The following KCTD16 variants were observed in gnomAD, a reference collection of about 807,000 sequenced individuals.
The protein encoded by KCTD16 is BTB/POZ domain-containing protein KCTD16.
A neutral mutation model predicts 33.2 loss-of-function variants in KCTD16; 13 were observed. That is an observed-to-expected ratio of 0.39 (90% CI 0.25 to 0.62). The LOEUF (loss-of-function observed/expected upper bound fraction) is 0.62, where lower values mean the gene tolerates loss of function less well. KCTD16 is among the 20% of genes least tolerant of loss of function. The probability of loss-of-function intolerance (pLI) is 0.50; values close to 1 mark genes in which losing one functional copy is unlikely to be tolerated. For missense variants in KCTD16, 441 were observed against 525.1 expected, an observed-to-expected ratio of 0.84 and a Z score of 1.57; for synonymous variants, 197 against 195.3, an observed-to-expected ratio of 1.01 and a Z score of -0.07.
At chr5:144,260,215 T>C (rs1754968369) in intron 3 of KCTD16, among the ~76,000 whole-genome samples, 1 of 152,180 alleles carries the variant, frequency 6.6e-6, no homozygotes, top group Non-Finnish European at 1.5e-5. Flanking sequence ...TGTGGCTCCA[T>C]ATGCAGTATT....
chr5:144,172,884 T>C lies in KCTD16; in HGVS notation c.-492-1423T>C, dbSNP rs1305528643. On this transcript the variant is annotated intron_variant, in intron 1 of 3. Transcript: ENST00000512467. ...GTTAAAAAAATTCTAGTCTCTTTTG[T>C]TTTTTTCTGATGTTTCTATTTCTTC... is the stretch of plus-strand genomic sequence containing the variant. Among the ~76,000 whole-genome samples, 3 of 152,210 alleles carry C rather than the reference T, an allele frequency of 2.0e-5. No homozygotes were observed. In the South Asian group the frequency reaches 6.2e-4, roughly 32 times the overall value.
At position 144,482,740 on chromosome 5, in the gene KCTD16, T is replaced by C. The variant is rs1231801326; in HGVS notation, c.*8626T>C. 6.6e-6 allele frequency: 1 copy of C among 151,812 alleles called. No homozygotes were observed. The highest frequency in any genetic ancestry group is 6.6e-5 in the Admixed American group (1 of 15,202). 9.4% of individuals were successfully genotyped at this position (151,812 alleles called of 1,614,324 possible). A position where few individuals can be genotyped will look rare whatever the true frequency, so the allele number is the denominator to read the frequency against. The stretch of plus-strand genomic sequence containing the variant: ...TATTTATGTGTGTTTTGTGTTTATG[T>C]ATAAAATTATGTATATATATGTACA... On this transcript the variant is annotated 3_prime_UTR_variant, in exon 4 of 4. Coordinates refer to ENST00000512467, the MANE Select transcript of KCTD16 (RefSeq NM_020768.4).
intron 3 of KCTD16, among the ~76,000 whole-genome samples, chr5:144,299,892 A>C (rs569419931): frequency 7.0e-6 from 1 of 142,604 alleles, no homozygotes; most frequent in African/African-American, 2.6e-5. Context: ...ATTCACCAGA[A>C]TCATTTAAAA....
intron 2 of KCTD16, among the ~76,000 whole-genome samples, chr5:144,205,078 G>A (rs192828958): frequency 6.6e-6 from 1 of 152,272 alleles, no homozygotes; most frequent in East Asian, 1.9e-4. Context: ...TGGGTAGGGG[G>A]CAGGGATTTG....
intron 3 of KCTD16, among the ~76,000 whole-genome samples, chr5:144,299,779 A>G (rs2126869514): frequency 6.6e-6 from 1 of 152,042 alleles, no homozygotes; most frequent in South Asian, 2.1e-4. Context: ...TAACATCTTT[A>G]TGGAGGGTAA....
chr5:144,359,819 T>G (rs1477004298), intron 3 of KCTD16, among the ~76,000 whole-genome samples: 3 of 151,780 alleles, frequency 2.0e-5, no homozygotes, highest in African/African-American at 7.3e-5. Context: ...TATCTAGGGG[T>G]CTTATTCTAG....
chr5:144,394,451 T>A (rs1752519866), intron 3 of KCTD16, among the ~76,000 whole-genome samples: 1 of 152,228 alleles, frequency 6.6e-6, no homozygotes, highest in South Asian at 2.1e-4. Flanking sequence ...ATCATTGTGT[T>A]GCCATAGTTG....
At chr5:144,439,303 C>A in intron 3 of KCTD16, 1 of 472,972 alleles carries the variant, frequency 2.1e-6, no homozygotes, top group Admixed American at 2.5e-5. Context: ...AAGCTGGTCC[C>A]TAAAACCCAC....
In KCTD16 at chr5:144,479,855, A is replaced by C. The variant is rs978118650; in HGVS notation, c.*5741A>C. ...TAAAGAAAAATGTGCCTGGCCTAGC[A>C]ACTATCAAGGGCTTGTCCTGGAGGA... On this transcript the variant is annotated 3_prime_UTR_variant, in exon 4 of 4. Transcript: ENST00000512467. The C allele has an allele frequency of 6.6e-6, 1 of 151,972 alleles. No individual in the cohort carries two copies. Among genetic ancestry groups the C allele is most frequent in the Non-Finnish European group, 1.5e-5 (1 of 67,946 alleles). The allele number at this position is 151,972 out of a possible 1,614,324, so 9.4% of individuals were successfully genotyped here.
intron 2 of KCTD16, among the ~76,000 whole-genome samples, chr5:144,183,467 A>G (rs1293257196): frequency 6.6e-6 from 1 of 152,148 alleles, no homozygotes; most frequent in East Asian, 1.9e-4. Context: ...TGTTTATTCC[A>G]TGCTCATTTT....
chr5:144,280,990 G>A (rs1391757123), intron 3 of KCTD16, among the ~76,000 whole-genome samples: 1 of 147,786 alleles, frequency 6.8e-6, no homozygotes, highest in Non-Finnish European at 1.5e-5. Context: ...GACAGGCGGA[G>A]GTTGCAGTGA....
chr5:144,407,071 C>T (rs1350600791), intron 3 of KCTD16, among the ~76,000 whole-genome samples: 1 of 151,866 alleles, frequency 6.6e-6, no homozygotes, highest in Admixed American at 6.6e-5. Context: ...GTGGAGGGCT[C>T]TTGAGTAGGC....
chr5:144,332,132 TG>T (rs1752377094), intron 3 of KCTD16, among the ~76,000 whole-genome samples: 1 of 152,060 alleles, frequency 6.6e-6, no homozygotes, highest in Non-Finnish European at 1.5e-5. Context: ...AGGAGTAAAA[TG>T]ACATAAAAAT....
chr5:144,411,834 T>C (rs1752939265), intron 3 of KCTD16, among the ~76,000 whole-genome samples: 1 of 151,810 alleles, frequency 6.6e-6, no homozygotes, highest in Admixed American at 6.6e-5. Context: ...AGCAACTCAA[T>C]AGCAAAAATA....
At position 144,409,241 on chromosome 5, in the gene KCTD16, C is replaced by T. The variant is rs752345978; in HGVS notation, c.833-64419C>T. On this transcript the variant is annotated intron_variant, in intron 3 of 3. Transcript: ENST00000512467. The stretch of plus-strand genomic sequence containing the variant: ...TCATAAAATGAAAACAATTTGAAGC[C>T]GATTTCTGTGTTTTTACATGTCTTT... Among the ~76,000 whole-genome samples, 7 of 151,978 alleles carry T rather than the reference C, an allele frequency of 4.6e-5. 1 individual carries two copies. The highest frequency in any genetic ancestry group is 2.0e-4 in the Admixed American group (3 of 15,260).
chr5:144,184,089 A>G lies in KCTD16; in HGVS notation c.-327+9617A>G, dbSNP rs114603997. On this transcript the variant is annotated intron_variant, in intron 2 of 3. Coordinates refer to ENST00000512467, the MANE Select transcript of KCTD16 (RefSeq NM_020768.4). ...ACGTACTTTTTAAAATTCAATTTTTATTTATTATTAACTTGGTAAAATACC... is the reference window on the plus strand; with the variant it reads ...ACGTACTTTTTAAAATTCAATTTTTGTTTATTATTAACTTGGTAAAATACC... Among the ~76,000 whole-genome samples the G allele has an allele frequency of 4.1e-3, 619 of 152,318 alleles. 2 individuals carry two copies. Among genetic ancestry groups the G allele is most frequent in the African/African-American group, 0.014 (601 of 41,568 alleles).
At chr5:144,227,814 A>G (rs1753980370) in intron 3 of KCTD16, among the ~76,000 whole-genome samples, 1 of 152,228 alleles carries the variant, frequency 6.6e-6, no homozygotes, top group African/African-American at 2.4e-5. Context: ...AGGCATCAGA[A>G]TATGCTGATG....
chr5:144,295,492 G>A (rs565820665), intron 3 of KCTD16, among the ~76,000 whole-genome samples: 1 of 152,152 alleles, frequency 6.6e-6, no homozygotes, highest in Non-Finnish European at 1.5e-5. Context: ...CCCTTCAGGG[G>A]TTTCTGGAGG....
chr5:144,441,548 A>C (rs1753708296), intron 3 of KCTD16, among the ~76,000 whole-genome samples: 1 of 152,144 alleles, frequency 6.6e-6, no homozygotes, highest in Admixed American at 6.5e-5. Flanking sequence ...GTGGATATCC[A>C]GTTGTCCCAG....
Sources: gnomAD v4.1 joint callset for allele counts (sites outside exome capture counted in the v4.1 genomes callset) on GRCh38, gnomAD v4.1.1 for gene constraint, MANE v1.5 for transcripts, NCBI Gene and HGNC (gene_info 2026-07-23, HGNC 2026-07-21) for gene names.